The following EIF1AX variants were observed in gnomAD, a reference collection of about 807,000 sequenced individuals.
The protein encoded by EIF1AX is eukaryotic translation initiation factor 1A, X-chromosomal.
Under a neutral mutation model 16.1 loss-of-function variants are expected in EIF1AX, and 1 was observed. The ratio of observed to expected loss-of-function variants is 0.06; its 90% CI spans 0.02 to 0.30. The LOEUF (loss-of-function observed/expected upper bound fraction) is 0.30, where lower values mean the gene tolerates loss of function less well. EIF1AX is among the 10% of genes least tolerant of loss of function. The pLI is 1.00. For missense variants in EIF1AX, 11 were observed against 109.1 expected, an observed-to-expected ratio of 0.10 and a Z score of 4.00; for synonymous variants, 32 against 37.3, an observed-to-expected ratio of 0.86 and a Z score of 0.51.
At chrX:20,128,925 G>C (rs1437284508) in intron 6 of EIF1AX, among the ~76,000 whole-genome samples, 1 of 109,698 alleles carries the variant, frequency 9.1e-6, no homozygotes, top group Non-Finnish European at 1.9e-5. Context: ...TCTCTGGTTA[G>C]GTTCCTTAAT....
intron 5 of EIF1AX, among the ~76,000 whole-genome samples, chrX:20,131,579 T>G (rs937535934): frequency 9.1e-6 from 1 of 109,928 alleles, no homozygotes; most frequent in South Asian, 4.0e-4. Context: ...GAGCCAAGAC[T>G]GCACCACTGC....
chrX:20,130,995 G>T (rs776370150), intron 5 of EIF1AX, among the ~76,000 whole-genome samples: 3 of 112,142 alleles, frequency 2.7e-5, no homozygotes, highest in South Asian at 7.4e-4. Flanking sequence ...ACCAGGAAGC[G>T]CTAGTCCTAT....
intron 5 of EIF1AX, 34 bp downstream of exon 5, chrX:20,132,148 A>G: frequency 1.8e-6 from 2 of 1,103,337 alleles, no homozygotes; most frequent in Non-Finnish European, 2.5e-6. Flanking sequence ...CCTAAATACC[A>G]TATGACAAGT....
In EIF1AX at chrX:20,132,420, G is replaced by A. The variant is rs749549492; in HGVS notation, c.256-157C>T. Reference sequence around the variant, plus strand: ...AAGCTTTCTCATACCCTCTGAAAAAGATCCTTAGGTTTAACCCAAGAGGAA... The same window carrying A: ...AAGCTTTCTCATACCCTCTGAAAAAAATCCTTAGGTTTAACCCAAGAGGAA... On this transcript the variant is annotated intron_variant, in intron 4 of 6. Coordinates refer to ENST00000379607, the MANE Select transcript of EIF1AX (RefSeq NM_001412.4). 2.7e-5 allele frequency among the ~76,000 whole-genome samples: 3 copies of A among 111,627 alleles called. No homozygotes were observed. In the Admixed American group the frequency reaches 2.9e-4, roughly 11 times the overall value.
intron 1 of EIF1AX, 78 bp from the exon 2 acceptor site, chrX:20,138,700 G>T: frequency 1.4e-6 from 1 of 729,384 alleles, no homozygotes; most frequent in Non-Finnish European, 2.0e-6. Flanking sequence ...ATGAAATTAA[G>T]GCTTATAAAA....
At chrX:20,138,294 C>T (rs886798144) in intron 2 of EIF1AX, among the ~76,000 whole-genome samples, 3 of 109,754 alleles carry the variant, frequency 2.7e-5, no homozygotes, top group Non-Finnish European at 3.8e-5. Context: ...TGAGCCACTG[C>T]GCCCAGCCTA....
In EIF1AX at chrX:20,141,777, G is replaced by A; in HGVS notation, c.-137C>T. On this transcript the variant is annotated 5_prime_UTR_variant, in exon 1 of 7. Transcript: ENST00000379607. Reference sequence around the variant, plus strand: ...TGGAGGCCAGGCAACGTGCGCGGGAGAGGCTGGCGACCCAGCTCTTCAGAG... The same window carrying A: ...TGGAGGCCAGGCAACGTGCGCGGGAAAGGCTGGCGACCCAGCTCTTCAGAG... The A allele has an allele frequency of 6.4e-6, 4 of 623,282 alleles. No individual in the cohort carries two copies. The highest frequency in any genetic ancestry group is 9.3e-6 in the Non-Finnish European group (4 of 428,049). 51.4% of individuals were successfully genotyped at this position (623,282 alleles called of 1,213,427 possible).
intron 1 of EIF1AX, 138 bp from the exon 2 acceptor site, chrX:20,138,760 C>T: frequency 2.4e-6 from 1 of 424,650 alleles, no homozygotes; most frequent in Non-Finnish European, 4.0e-6. Flanking sequence ...ATTTTAGCTA[C>T]ACAATCATAT....
chrX:20,134,363 G>A (rs1198536883), intron 3 of EIF1AX, among the ~76,000 whole-genome samples: 1 of 110,805 alleles, frequency 9.0e-6, no homozygotes, highest in African/African-American at 3.3e-5. Flanking sequence ...ACTCCAGCCT[G>A]GGCAACAGAG....
intron 2 of EIF1AX, chrX:20,136,246 C>T: frequency 2.8e-6 from 1 of 356,095 alleles, no homozygotes. Flanking sequence ...CACACACACA[C>T]CCCCCACACA....
chrX:20,128,442 C>G, intron 6 of EIF1AX, 131 bp from the exon 7 acceptor site: 1 of 474,601 alleles, frequency 2.1e-6, no homozygotes, highest in Admixed American at 4.3e-5. Flanking sequence ...GAAGAAATTC[C>G]TATAATTCTG....
intron 3 of EIF1AX, among the ~76,000 whole-genome samples, chrX:20,134,887 A>C (rs1356244451): frequency 2.7e-5 from 3 of 112,502 alleles, no homozygotes; most frequent in African/African-American, 6.4e-5. Flanking sequence ...TGTGATGGTG[A>C]ATTAATCATT....
At position 20,138,628 on chromosome X, in the gene EIF1AX, G is replaced by A; in HGVS notation, c.17-6C>T. ...TCTGTTTTTACCTCCTTTACCTGAT[G>A]GTTTAAAAAAAAGAAAAGGAGGTAA... On this transcript the variant is annotated splice_polypyrimidine_tract_variant and splice_region_variant and intron_variant, in intron 1 of 6. Transcript: ENST00000379607. 8.8e-7 allele frequency: 1 copy of A among 1,131,969 alleles called. No homozygotes were observed. Among genetic ancestry groups the A allele is most frequent in the Non-Finnish European group, 1.2e-6 (1 of 842,162 alleles). 93.3% of individuals were successfully genotyped at this position (1,131,969 alleles called of 1,213,427 possible).
Position 20,135,888 on chromosome X carries a change from A to G in EIF1AX, c.101-47T>C, listed in dbSNP as rs763354681. ...GGTATGGAATATTGTTCAACTTTTGATAACAGCAACTTAAAGTCCACATAA... is the reference window on the plus strand; with the variant it reads ...GGTATGGAATATTGTTCAACTTTTGGTAACAGCAACTTAAAGTCCACATAA... On this transcript the variant is annotated intron_variant, in intron 2 of 6. Coordinates refer to ENST00000379607, the MANE Select transcript of EIF1AX (RefSeq NM_001412.4). 6.4e-6 allele frequency: 6 copies of G among 936,558 alleles called. No homozygotes were observed. The East Asian group carries it at 1.5e-4, about 24-fold the overall frequency. 77.2% of individuals were successfully genotyped at this position (936,558 alleles called of 1,213,427 possible).
At chrX:20,130,286 G>T (rs1354359564) in intron 6 of EIF1AX, among the ~76,000 whole-genome samples, 9 of 23,385 alleles carry the variant, frequency 3.8e-4, no homozygotes, top group Non-Finnish European at 7.3e-4. Flanking sequence ...CTGGGTGACA[G>T]AACAAAACTC....
chrX:20,137,690 T>C (rs952981362), intron 2 of EIF1AX, among the ~76,000 whole-genome samples: 1 of 111,966 alleles, frequency 8.9e-6, no homozygotes, highest in Non-Finnish European at 1.9e-5. Context: ...AGTTTCATTT[T>C]ATTGTAGTTT....
chrX:20,140,260 T>C (rs1331667089), intron 1 of EIF1AX: 1 of 111,932 alleles, frequency 8.9e-6, no homozygotes, highest in South Asian at 3.7e-4. Context: ...CCAACAAATA[T>C]TTATTAAGCA....
rs891500638 is a variant in EIF1AX, at chrX:20,124,649, T to C, written c.*3657A>G. ...GTACTAATTAGCTGTCATGAATCTA[T>C]AGTAAAAGGAATCACTGAAGATTTA... is the stretch of plus-strand genomic sequence containing the variant. On this transcript the variant is annotated 3_prime_UTR_variant, in exon 7 of 7. Coordinates refer to ENST00000379607, the MANE Select transcript of EIF1AX (RefSeq NM_001412.4). 11 of 147,386 alleles carry C rather than the reference T, an allele frequency of 7.5e-5. No individual in the cohort carries two copies. The highest frequency in any genetic ancestry group is 3.1e-4 in the African/African-American group (10 of 32,536). 12.1% of individuals were successfully genotyped at this position (147,386 alleles called of 1,213,427 possible).
At chrX:20,134,282 G>A (rs1033804999) in intron 3 of EIF1AX, among the ~76,000 whole-genome samples, 1 of 111,610 alleles carries the variant, frequency 9.0e-6, no homozygotes, top group Non-Finnish European at 1.9e-5. Flanking sequence ...CAGCTACTCG[G>A]GAGGCTGAGG....
Sources: allele counts gnomAD v4.1 joint callset (sites outside exome capture counted in the v4.1 genomes callset), GRCh38; gene constraint gnomAD v4.1.1; transcripts MANE v1.5; gene names NCBI Gene and HGNC (gene_info 2026-07-23, HGNC 2026-07-21).